Variants in FBXO47 observed in about 807,000 individuals in gnomAD.
The protein encoded by FBXO47 is F-box only protein 47.
FBXO47 carries 34 observed loss-of-function variants against 53.9 expected under a neutral mutation model. That is an observed-to-expected ratio of 0.63 (90% CI 0.48 to 0.84). The LOEUF (loss-of-function observed/expected upper bound fraction) is 0.84, where lower values mean the gene tolerates loss of function less well. Among genes scored for constraint, FBXO47 ranks in the 40% least tolerant of loss-of-function variants. The pLI is 0.00. For missense variants in FBXO47, 485 were observed against 541.3 expected, an observed-to-expected ratio of 0.90 and a Z score of 1.03; for synonymous variants, 165 against 181.6, an observed-to-expected ratio of 0.91 and a Z score of 0.73.
intron 10 of FBXO47, among the ~76,000 whole-genome samples, chr17:38,938,220 C>A (rs1915630152): frequency 6.6e-6 from 1 of 152,112 alleles, no homozygotes; most frequent in African/African-American, 2.4e-5. Context: ...ATAATATTTA[C>A]AAATATATTT....
chr17:38,965,081 C>G (rs1906035001), intron 1 of FBXO47, among the ~76,000 whole-genome samples: 1 of 152,016 alleles, frequency 6.6e-6, no homozygotes, highest in Non-Finnish European at 1.5e-5. Context: ...AACTGCTGAC[C>G]TCAGGTGAGC....
intron 3 of FBXO47, among the ~76,000 whole-genome samples, chr17:38,958,991 C>T (rs1432449931): frequency 6.6e-6 from 1 of 152,048 alleles, no homozygotes. Flanking sequence ...TAGAATTCTA[C>T]TCCTGGGCAC....
chr17:38,966,203 G>A (rs1220167323), intron 1 of FBXO47, among the ~76,000 whole-genome samples: 1 of 152,026 alleles, frequency 6.6e-6, no homozygotes, highest in African/African-American at 2.4e-5. Context: ...CACAGTAGGC[G>A]TTTTGTTTGT....
rs139063035 is a variant in FBXO47 at position 38,945,520 on chromosome 17, C to T, written c.617-384G>A. ...ATTTTCCTCTATGAAAGTTTTATGG[C>T]AGGTGTGGTGACTCTTGCCTGTAAT... On this transcript the variant is annotated intron_variant, in intron 6 of 10. Transcript: ENST00000378079. Among the ~76,000 whole-genome samples the T allele has an allele frequency of 5.3e-5, 8 of 152,162 alleles. No homozygotes were observed. The East Asian group carries it at 1.5e-3, about 29-fold the overall frequency.
Position 38,936,579 on chromosome 17 carries a change from CTGTG to C in FBXO47, c.*592_*595del, listed in dbSNP as rs941766206. The C allele has an allele frequency of 2.0e-5, 3 of 148,152 alleles. No homozygotes were observed. Among genetic ancestry groups the C allele is most frequent in the East Asian group, 2.2e-4 (1 of 4,640 alleles). 9.2% of individuals were successfully genotyped at this position (148,152 alleles called of 1,614,324 possible). On this transcript the variant is annotated 3_prime_UTR_variant, in exon 11 of 11. Coordinates refer to ENST00000378079, the MANE Select transcript of FBXO47 (RefSeq NM_001008777.3). ...TTACCTTAAAGAAGGAAATATATGT[CTGTG>C]TGTGTGTGTCTATATATATATATAG...
intron 6 of FBXO47, among the ~76,000 whole-genome samples, chr17:38,945,948 AATAT>A (rs1555560609): frequency 1.1e-4 from 13 of 117,120 alleles, no homozygotes; most frequent in African/African-American, 3.5e-4. Flanking sequence ...AAAAAAAAAA[AATAT>A]ATATATATAT....
rs866484592 is a variant in FBXO47, at chr17:38,946,773, T to A, written c.617-1637A>T. Among the ~76,000 whole-genome samples the A allele has an allele frequency of 2.9e-3, 202 of 69,732 alleles. 2 individuals carry two copies. The highest frequency in any genetic ancestry group is 0.013 in the African/African-American group (182 of 14,340). The allele number at this position is 69,732 out of a possible 152,430, so 45.7% of individuals were successfully genotyped here. On this transcript the variant is annotated intron_variant, in intron 6 of 10. Transcript: ENST00000378079. ...ACAAATATATATAAACATATAAAAA[T>A]ATATATAAACATATAAATATATATA...
At chr17:38,944,851 T>C (rs561360162) in intron 7 of FBXO47, 109 bp downstream of exon 7, 110 of 738,496 alleles carry the variant, frequency 1.5e-4, no homozygotes, top group African/African-American at 1.2e-3. Context: ...TGCATGCATG[T>C]GTGTGTGTGT....
intron 5 of FBXO47, among the ~76,000 whole-genome samples, chr17:38,952,732 C>T (rs1905356008): frequency 6.6e-6 from 1 of 151,798 alleles, no homozygotes; most frequent in Admixed American, 6.6e-5. Flanking sequence ...CCCCTTTGAC[C>T]TCCCCTAGTT....
intron 10 of FBXO47, among the ~76,000 whole-genome samples, chr17:38,937,688 G>C (rs1301662786): frequency 6.6e-6 from 1 of 151,746 alleles, no homozygotes; most frequent in Non-Finnish European, 1.5e-5. Flanking sequence ...TATTTTTTGA[G>C]ACAGCGTCTC....
intron 1 of FBXO47, among the ~76,000 whole-genome samples, chr17:38,963,666 G>C (rs573217181): frequency 6.6e-6 from 1 of 152,136 alleles, no homozygotes; most frequent in East Asian, 1.9e-4. Context: ...GGTGGCTCAC[G>C]CCTGTAATCC....
chr17:38,939,420 C>T (rs907502318), intron 9 of FBXO47, among the ~76,000 whole-genome samples: 8 of 143,804 alleles, frequency 5.6e-5, no homozygotes, highest in African/African-American at 1.6e-4. Flanking sequence ...TTATTGAGCA[C>T]CTGCTAGGAG....
chr17:38,951,580 C>T lies in FBXO47; in HGVS notation c.616+1G>A. On this transcript the variant is annotated splice_donor_variant, in intron 6 of 10. Coordinates refer to ENST00000378079, the MANE Select transcript of FBXO47 (RefSeq NM_001008777.3). LOFTEE classifies it high-confidence loss of function. ...ATTATATGCAAATTATAGTTTTTTA[C>T]CTGGTTTGCTGCAGACAGCCATTTG... 5.6e-6 allele frequency: 9 copies of T among 1,598,400 alleles called. No homozygotes were observed. Among genetic ancestry groups the T allele is most frequent in the Non-Finnish European group, 7.7e-6 (9 of 1,169,636 alleles).
chr17:38,961,247 T>C (rs1178856072), intron 3 of FBXO47, among the ~76,000 whole-genome samples: 10 of 152,198 alleles, frequency 6.6e-5, no homozygotes, highest in Non-Finnish European at 5.9e-5. Flanking sequence ...CTTTGATGAA[T>C]TATAAAGTGG....
intron 6 of FBXO47, among the ~76,000 whole-genome samples, chr17:38,947,109 T>TATATAAACATATATATAAAC (rs1904983625): frequency 3.2e-5 from 3 of 93,262 alleles, no homozygotes; most frequent in Non-Finnish European, 8.1e-5. Context: ...TATATAAACA[T>TATATAAACATATATATAAAC]ATATATATAA....
At chr17:38,965,641 A>T (rs901072317) in intron 1 of FBXO47, among the ~76,000 whole-genome samples, 5 of 141,374 alleles carry the variant, frequency 3.5e-5, no homozygotes, top group African/African-American at 1.3e-4. Context: ...TGGGAGGCTG[A>T]GGCCGGTGGA....
intron 3 of FBXO47, among the ~76,000 whole-genome samples, chr17:38,959,594 A>T (rs961475462): frequency 8.0e-5 from 12 of 150,848 alleles, no homozygotes; most frequent in African/African-American, 2.7e-4. Flanking sequence ...AAAAAAAAAA[A>T]AAAAAAAAAG....
At chr17:38,946,142 A>C (rs1365213212) in intron 6 of FBXO47, among the ~76,000 whole-genome samples, 1 of 124,542 alleles carries the variant, frequency 8.0e-6, no homozygotes, top group Non-Finnish European at 1.6e-5. Flanking sequence ...ATATATAAAT[A>C]TATAAATACA....
In FBXO47 at chr17:38,947,069, TAA is replaced by T. The variant is rs1487215804; in HGVS notation, c.617-1935_617-1934del. Among the ~76,000 whole-genome samples the T allele has an allele frequency of 2.7e-3, 365 of 132,760 alleles. 1 individual carries two copies. Among genetic ancestry groups the T allele is most frequent in the African/African-American group, 0.011 (353 of 32,426 alleles). The allele number at this position is 132,760 out of a possible 152,430, so 87.1% of individuals were successfully genotyped here. On this transcript the variant is annotated intron_variant, in intron 6 of 10. Coordinates refer to ENST00000378079, the MANE Select transcript of FBXO47 (RefSeq NM_001008777.3). Reference sequence around the variant, plus strand: ...ATATAAAAACATATATAAATATATATAAACATATATAAACATATATATAAACA... The same window carrying T: ...ATATAAAAACATATATAAATATATATACATATATAAACATATATATAAACA...
Sources: allele counts gnomAD v4.1 joint callset (sites outside exome capture counted in the v4.1 genomes callset), GRCh38; gene constraint gnomAD v4.1.1; transcripts MANE v1.5; gene names NCBI Gene and HGNC (gene_info 2026-07-23, HGNC 2026-07-21).